Variants in FSTL4 observed in about 807,000 individuals in gnomAD.
FSTL4 encodes the protein follistatin like 4.
Under a neutral mutation model 78.2 loss-of-function variants are expected in FSTL4, and 28 were observed. The ratio of observed to expected loss-of-function variants is 0.36; its 90% confidence interval spans 0.27 to 0.49. FSTL4 has a LOEUF of 0.49. Ranked by LOEUF, FSTL4 falls within the 20% of genes least tolerant of loss-of-function variation. FSTL4 has a pLI of 0.98. For missense variants in FSTL4, 922 were observed against 1,084.9 expected (o/e 0.85, Z 2.11); for synonymous variants, 422 against 440.5 (o/e 0.96, Z 0.53).
intron 4 of FSTL4, among the ~76,000 whole-genome samples, chr5:133,348,745 T>G (rs1580638600): frequency 6.6e-6 from 1 of 152,230 alleles, no homozygotes; most frequent in East Asian, 1.9e-4. Flanking sequence ...GTTGGCTACT[T>G]ACCTGTGCCT....
At chr5:133,240,944 C>G (rs909305830) in intron 7 of FSTL4, among the ~76,000 whole-genome samples, 1 of 152,108 alleles carries the variant, frequency 6.6e-6, no homozygotes, top group African/African-American at 2.4e-5. Context: ...CTTTATTTGC[C>G]TGGGGTCTTT....
the FSTL4 span, among the ~76,000 whole-genome samples, chr5:133,748,775 G>A: frequency 6.6e-6 from 1 of 152,140 alleles, no homozygotes; most frequent in Non-Finnish European, 1.5e-5. Flanking sequence ...GACCCAGTCA[G>A]GCCTTCCTAA....
At chr5:133,354,781 C>T (rs2126929367) in intron 4 of FSTL4, among the ~76,000 whole-genome samples, 1 of 152,368 alleles carries the variant, frequency 6.6e-6, no homozygotes, top group Non-Finnish European at 1.5e-5. Context: ...ATGCAGATCT[C>T]ACGTCACCTA....
At chr5:133,366,664 A>T (rs1755187695) in intron 4 of FSTL4, among the ~76,000 whole-genome samples, 1 of 151,830 alleles carries the variant, frequency 6.6e-6, no homozygotes. Context: ...CCCTCTGGTG[A>T]CTCAAGAAGT....
chr5:133,538,201 G>A (rs1340844966), intron 3 of FSTL4, among the ~76,000 whole-genome samples: 3 of 151,906 alleles, frequency 2.0e-5, no homozygotes, highest in Non-Finnish European at 4.4e-5. Context: ...ATTTTATCTG[G>A]AACAGTTCCT....
intron 3 of FSTL4, among the ~76,000 whole-genome samples, chr5:133,418,107 G>A (rs2126984938): frequency 6.6e-6 from 1 of 150,742 alleles, no homozygotes; most frequent in South Asian, 2.1e-4. Context: ...ACAAAAGTAA[G>A]GAAAAGACAT....
the FSTL4 span, among the ~76,000 whole-genome samples, chr5:133,799,705 G>A: frequency 2.2e-5 from 3 of 139,156 alleles, 1 homozygote; most frequent in Non-Finnish European, 4.8e-5. Flanking sequence ...GCTGCAGCTG[G>A]TAACGCCTCC....
At chr5:133,476,159 C>A (rs201479955) in intron 3 of FSTL4, among the ~76,000 whole-genome samples, 1 of 152,154 alleles carries the variant, frequency 6.6e-6, no homozygotes. Context: ...TCATCACTCC[C>A]GGATAAGAGG....
the FSTL4 span, among the ~76,000 whole-genome samples, chr5:133,818,153 A>G: frequency 6.6e-6 from 1 of 152,232 alleles, no homozygotes; most frequent in African/African-American, 2.4e-5. Context: ...GGGATGAATC[A>G]CATCTTACCT....
At chr5:133,457,157 A>C (rs1295285074) in intron 3 of FSTL4, among the ~76,000 whole-genome samples, 3 of 152,122 alleles carry the variant, frequency 2.0e-5, no homozygotes, top group Non-Finnish European at 4.4e-5. Context: ...TAAGAGAAGG[A>C]AATATAATTT....
intron 4 of FSTL4, among the ~76,000 whole-genome samples, chr5:133,341,683 C>T (rs1754585503): frequency 6.6e-6 from 1 of 152,182 alleles, no homozygotes; most frequent in Non-Finnish European, 1.5e-5. Context: ...CTCTGCTTCT[C>T]CATATCCCAT....
At chr5:133,487,729 A>G (rs564097219) in intron 3 of FSTL4, among the ~76,000 whole-genome samples, 4 of 152,242 alleles carry the variant, frequency 2.6e-5, no homozygotes, top group Admixed American at 1.3e-4. Context: ...TCACCTCACC[A>G]TCTCAGGATG....
chr5:133,731,628 C>A, the FSTL4 span, among the ~76,000 whole-genome samples: 2 of 152,066 alleles, frequency 1.3e-5, no homozygotes, highest in Non-Finnish European at 2.9e-5. Context: ...CCAAGGGAGT[C>A]AGAGGGTCAC....
chr5:133,693,684 T>C, the FSTL4 span, among the ~76,000 whole-genome samples: 4 of 152,188 alleles, frequency 2.6e-5, no homozygotes, highest in Admixed American at 6.5e-5. Flanking sequence ...CTGACACTGG[T>C]TAATTTATGA....
At chr5:133,277,693 G>T (rs1581587802) in intron 6 of FSTL4, among the ~76,000 whole-genome samples, 1 of 152,262 alleles carries the variant, frequency 6.6e-6, no homozygotes, top group East Asian at 1.9e-4. Context: ...GCCCCTTGGG[G>T]TGGCCCCTGA....
At chr5:133,238,142 A>G (rs1464164526) in intron 7 of FSTL4, among the ~76,000 whole-genome samples, 1 of 152,156 alleles carries the variant, frequency 6.6e-6, no homozygotes, top group African/African-American at 2.4e-5. Flanking sequence ...TATATATGGA[A>G]ATGAGTCATC....
chr5:133,290,256 T>C (rs533671843), intron 6 of FSTL4, among the ~76,000 whole-genome samples: 1 of 152,334 alleles, frequency 6.6e-6, no homozygotes, highest in African/African-American at 2.4e-5. Flanking sequence ...CAGGTGAGAC[T>C]GTTTGCTGCT....
chr5:133,454,135 TTTCTCA>T (rs1757436046), intron 3 of FSTL4, among the ~76,000 whole-genome samples: 1 of 152,114 alleles, frequency 6.6e-6, no homozygotes, highest in African/African-American at 2.4e-5. Flanking sequence ...ATCACGCTAC[TTTCTCA>T]AAAGCATTTG....
At chr5:133,629,307 T>G in the FSTL4 span, among the ~76,000 whole-genome samples, 3 of 151,770 alleles carry the variant, frequency 2.0e-5, no homozygotes, top group East Asian at 5.8e-4. Context: ...CAGCCTTGCA[T>G]GGGGATATCA....
Sources: gnomAD v4.1 joint callset for allele counts (sites outside exome capture counted in the v4.1 genomes callset) on GRCh38, gnomAD v4.1.1 for gene constraint, MANE v1.5 for transcripts, NCBI Gene and HGNC (gene_info 2026-07-23, HGNC 2026-07-21) for gene names.